Variants in LDB2 observed in about 807,000 individuals in gnomAD.
The protein encoded by LDB2 is LIM domain-binding protein 2.
LDB2 carries 12 observed loss-of-function variants against 44.3 expected under a neutral mutation model. The observed-to-expected ratio is 0.27, with a 90% confidence interval of 0.17 to 0.44. The LOEUF is 0.44. Ranked by LOEUF, LDB2 falls within the 20% of genes least tolerant of loss-of-function variation. The pLI, the probability that LDB2 is intolerant of heterozygous loss-of-function variation, is 1.00. For synonymous variants in LDB2, 164 were observed against 174.8 expected (o/e 0.94, Z 0.49); for missense variants, 344 against 473.5 (o/e 0.73, Z 2.54).
chr4:16,683,384 T>C (rs996470925), intron 2 of LDB2, among the ~76,000 whole-genome samples: 7 of 152,214 alleles, frequency 4.6e-5, no homozygotes, highest in African/African-American at 1.7e-4. Context: ...AAAATGGAGC[T>C]TCAGGAGAAT....
intron 5 of LDB2, among the ~76,000 whole-genome samples, chr4:16,572,899 A>T (rs1210245586): frequency 3.9e-5 from 6 of 152,144 alleles, no homozygotes; most frequent in Admixed American, 3.9e-4. Context: ...CGGAGGGGAA[A>T]AGAAGGAGGA....
chr4:16,691,125 G>T (rs1343610268), intron 2 of LDB2, among the ~76,000 whole-genome samples: 1 of 152,056 alleles, frequency 6.6e-6, no homozygotes, highest in East Asian at 1.9e-4. Flanking sequence ...AGATACATTA[G>T]ATAGGTCACC....
At chr4:16,619,775 A>C (rs1728342037) in intron 2 of LDB2, among the ~76,000 whole-genome samples, 1 of 148,396 alleles carries the variant, frequency 6.7e-6, no homozygotes, top group African/African-American at 2.5e-5. Flanking sequence ...TTGTCTTTGC[A>C]AGTTGCTAGT....
intron 5 of LDB2, among the ~76,000 whole-genome samples, chr4:16,543,533 G>C (rs1159539651): frequency 6.6e-6 from 1 of 152,148 alleles, no homozygotes; most frequent in Non-Finnish European, 1.5e-5. Flanking sequence ...GTGATGATGA[G>C]CATTTTTTCA....
chr4:16,766,116 T>C (rs993376529), intron 1 of LDB2, among the ~76,000 whole-genome samples: 1 of 152,178 alleles, frequency 6.6e-6, no homozygotes, highest in African/African-American at 2.4e-5. Context: ...GTTACAAATA[T>C]AAATAAATGT....
intron 6 of LDB2, among the ~76,000 whole-genome samples, chr4:16,511,630 G>A (rs374349260): frequency 1.3e-4 from 19 of 151,722 alleles, no homozygotes; most frequent in East Asian, 3.9e-4. Context: ...ACATTAGGCC[G>A]TGAGAAGCCA....
chr4:16,738,039 T>C (rs1288781083), intron 2 of LDB2, among the ~76,000 whole-genome samples: 1 of 152,220 alleles, frequency 6.6e-6, no homozygotes, highest in Non-Finnish European at 1.5e-5. Flanking sequence ...TAGTCATTTA[T>C]GTGAGTTTGC....
intron 1 of LDB2, among the ~76,000 whole-genome samples, chr4:16,828,297 T>C (rs1043130335): frequency 6.6e-6 from 1 of 152,172 alleles, no homozygotes; most frequent in African/African-American, 2.4e-5. Context: ...TGCATTCCTT[T>C]ACTCAAGTCA....
intron 1 of LDB2, among the ~76,000 whole-genome samples, chr4:16,776,100 C>T (rs1437470194): frequency 6.6e-6 from 1 of 152,198 alleles, no homozygotes; most frequent in Non-Finnish European, 1.5e-5. Context: ...CCTTCCATCT[C>T]CCTGGGAGTC....
intron 5 of LDB2, among the ~76,000 whole-genome samples, chr4:16,514,776 A>G (rs373572311): frequency 3.9e-5 from 6 of 152,218 alleles, no homozygotes; most frequent in Non-Finnish European, 4.4e-5. Flanking sequence ...TGGATCTTCA[A>G]TCTTGCTTAC....
chr4:16,572,518 A>G (rs780036475), intron 5 of LDB2, among the ~76,000 whole-genome samples: 1 of 152,106 alleles, frequency 6.6e-6, no homozygotes, highest in African/African-American at 2.4e-5. Context: ...GTTTTCAGTT[A>G]GAATTGCTCT....
chr4:16,627,240 C>T (rs953580314), intron 2 of LDB2, among the ~76,000 whole-genome samples: 1 of 152,180 alleles, frequency 6.6e-6, no homozygotes, highest in African/African-American at 2.4e-5. Context: ...ATGCTTAAAA[C>T]ATCTGGAAGT....
At chr4:16,823,292 T>C (rs751469395) in intron 1 of LDB2, among the ~76,000 whole-genome samples, 4 of 152,236 alleles carry the variant, frequency 2.6e-5, no homozygotes, top group Non-Finnish European at 4.4e-5. Flanking sequence ...AACGTTTGAA[T>C]GTTGGTCTTC....
intron 1 of LDB2, among the ~76,000 whole-genome samples, chr4:16,772,794 T>C (rs1249960401): frequency 6.6e-6 from 1 of 152,150 alleles, no homozygotes; most frequent in Non-Finnish European, 1.5e-5. Context: ...AAGAAACTGA[T>C]ATGTCCACCG....
intron 5 of LDB2, among the ~76,000 whole-genome samples, chr4:16,529,357 C>G (rs1729353616): frequency 6.6e-6 from 1 of 152,110 alleles, no homozygotes; most frequent in Non-Finnish European, 1.5e-5. Context: ...AGTAGGCAAG[C>G]AGAGAAACAA....
At position 16,636,657 on chromosome 4, in the gene LDB2, C is replaced by T. The variant is rs1578377562; in HGVS notation, c.236-40782G>A. 3.9e-5 allele frequency among the ~76,000 whole-genome samples: 6 copies of T among 152,202 alleles called. 1 individual carries two copies. The highest frequency in any genetic ancestry group is 3.9e-4 in the Admixed American group (6 of 15,288). On this transcript the variant is annotated intron_variant, in intron 2 of 7. Transcript: ENST00000304523. ...AGGAATAATTTCATTACAGCAAATCCTCTTACATTTGGACTAAGGGAATGT... is the reference window on the plus strand; with the variant it reads ...AGGAATAATTTCATTACAGCAAATCTTCTTACATTTGGACTAAGGGAATGT...
At chr4:16,570,888 T>C (rs895648060) in intron 5 of LDB2, among the ~76,000 whole-genome samples, 3 of 152,224 alleles carry the variant, frequency 2.0e-5, no homozygotes, top group African/African-American at 7.2e-5. Context: ...CAATTACTCA[T>C]TGAGATAAGA....
At chr4:16,616,557 T>G (rs1333552857) in intron 2 of LDB2, among the ~76,000 whole-genome samples, 1 of 152,118 alleles carries the variant, frequency 6.6e-6, no homozygotes, top group East Asian at 1.9e-4. Flanking sequence ...AACAGCCACC[T>G]GAGTCTCTGG....
chr4:16,713,799 T>A (rs1756448481), intron 2 of LDB2, among the ~76,000 whole-genome samples: 1 of 152,170 alleles, frequency 6.6e-6, no homozygotes, highest in Non-Finnish European at 1.5e-5. Context: ...TCCCTGACAT[T>A]CTCATAGCCC....
Sources: gnomAD v4.1 joint callset for allele counts (sites outside exome capture counted in the v4.1 genomes callset) on GRCh38, gnomAD v4.1.1 for gene constraint, MANE v1.5 for transcripts, NCBI Gene and HGNC (gene_info 2026-07-23, HGNC 2026-07-21) for gene names.